SBF2: variants seen among roughly 807,000 people sequenced by gnomAD.
SBF2 encodes SET binding factor 2, also known as myotubularin-related protein 13.
In SBF2, 112 loss-of-function variants were observed where a neutral mutation model predicts 225.2. That is an observed-to-expected ratio of 0.50 (90% CI 0.43 to 0.58). The LOEUF (loss-of-function observed/expected upper bound fraction) is 0.58, where lower values mean the gene tolerates loss of function less well. Ranked by LOEUF, SBF2 falls within the 20% of genes least tolerant of loss-of-function variation. The pLI, the probability that SBF2 is intolerant of heterozygous loss-of-function variation, is 0.00. For synonymous variants in SBF2, 763 were observed against 773.3 expected, an observed-to-expected ratio of 0.99 and a Z score of 0.22; for missense variants, 1,996 against 2,206.2, an observed-to-expected ratio of 0.90 and a Z score of 1.91.
Position 9,961,995 on chromosome 11 carries a change from A to T in SBF2, c.1822T>A (p.Phe608Ile). The T allele has an allele frequency of 6.2e-7, 1 of 1,614,060 alleles. No individual in the cohort carries two copies. The highest frequency in any genetic ancestry group is 8.5e-7 in the Non-Finnish European group (1 of 1,179,914). ...TTCATCATCCTTATTATGTAGTCAA[A>T]CTGTTGATGGTCTAATATTGCCCGG... is the stretch of plus-strand genomic sequence containing the variant. ...QNRAILDHQQ[F>I]DYIIRMMNCT... is the part of the protein sequence containing the mutation. The change falls in exon 16 of 40, where the codon TTT (phenylalanine) becomes ATT (isoleucine). Residue 608 changes from phenylalanine (F) to isoleucine (I), a missense_variant. Phe to Ile is a conservative substitution (Grantham distance 21). Coordinates refer to ENST00000256190, the MANE Select transcript of SBF2 (RefSeq NM_030962.4).
At chr11:9,937,798 G>A (rs971413287) in intron 16 of SBF2, among the ~76,000 whole-genome samples, 1 of 151,970 alleles carries the variant, frequency 6.6e-6, no homozygotes, top group African/African-American at 2.4e-5. Flanking sequence ...AAAAGCAATA[G>A]TTTTGATTTA....
intron 2 of SBF2, among the ~76,000 whole-genome samples, chr11:10,176,899 T>A (rs1233245746): frequency 1.3e-5 from 2 of 152,062 alleles, no homozygotes; most frequent in African/African-American, 4.8e-5. Flanking sequence ...AAAAGAAAAT[T>A]TTAGACCAAT....
chr11:9,889,461 A>G (rs912633235), intron 17 of SBF2, among the ~76,000 whole-genome samples: 2 of 152,220 alleles, frequency 1.3e-5, no homozygotes, highest in Non-Finnish European at 2.9e-5. Context: ...TTCAGCAATA[A>G]AGAAATTAAA....
intron 13 of SBF2, among the ~76,000 whole-genome samples, chr11:9,988,049 T>C (rs995208252): frequency 2.0e-5 from 3 of 152,204 alleles, no homozygotes; most frequent in Non-Finnish European, 2.9e-5. Flanking sequence ...CAAAACAGCA[T>C]GGTACTGGTA....
intron 28 of SBF2, among the ~76,000 whole-genome samples, chr11:9,822,807 T>C (rs1267457347): frequency 6.6e-6 from 1 of 152,322 alleles, no homozygotes; most frequent in East Asian, 1.9e-4. Flanking sequence ...CACTGTGATC[T>C]TATACCTGGC....
chr11:10,012,135 G>A (rs144341298), intron 6 of SBF2, among the ~76,000 whole-genome samples: 19 of 152,198 alleles, frequency 1.2e-4, no homozygotes, highest in African/African-American at 4.6e-4. Flanking sequence ...AGCTCAGCTA[G>A]TGAATTTTTT....
At chr11:10,229,991 G>A (rs1958759916) in intron 1 of SBF2, among the ~76,000 whole-genome samples, 1 of 152,088 alleles carries the variant, frequency 6.6e-6, no homozygotes, top group Admixed American at 6.5e-5. Context: ...ATGAATCTGG[G>A]TGCTCCTGTA....
chr11:9,854,106 C>T (rs993397685), intron 19 of SBF2, among the ~76,000 whole-genome samples: 1 of 152,178 alleles, frequency 6.6e-6, no homozygotes, highest in Non-Finnish European at 1.5e-5. Context: ...ACATAGAGAA[C>T]AAGTAATACA....
At chr11:10,140,231 C>T (rs58054521) in intron 2 of SBF2, among the ~76,000 whole-genome samples, 38,702 of 152,022 alleles carry the variant, frequency 0.25, 5,091 homozygotes, top group Middle Eastern at 0.32. Context: ...TAATGAGATA[C>T]ATGGTGGCTA....
At chr11:10,207,095 C>T (rs1376916660) in intron 1 of SBF2, among the ~76,000 whole-genome samples, 2 of 151,966 alleles carry the variant, frequency 1.3e-5, no homozygotes, top group African/African-American at 4.8e-5. Context: ...TGAAAGAAGC[C>T]AGAGAGAAAC....
intron 1 of SBF2, among the ~76,000 whole-genome samples, chr11:10,231,273 G>A (rs961528263): frequency 4.6e-5 from 7 of 152,010 alleles, no homozygotes; most frequent in Non-Finnish European, 5.9e-5. Flanking sequence ...CCTCTACCTC[G>A]GAGCAGTTTG....
chr11:9,840,243 C>T (rs1255081608), intron 25 of SBF2, among the ~76,000 whole-genome samples: 4 of 145,594 alleles, frequency 2.7e-5, no homozygotes, highest in Non-Finnish European at 4.6e-5. Flanking sequence ...CAAACCCCGC[C>T]CCCAGCCGCA....
At chr11:10,283,443 GTC>G (rs1196027465) in intron 1 of SBF2, among the ~76,000 whole-genome samples, 1 of 151,974 alleles carries the variant, frequency 6.6e-6, no homozygotes, top group Non-Finnish European at 1.5e-5. Flanking sequence ...ATTCTAGCTT[GTC>G]TCTCTCATAG....
At chr11:9,980,172 G>A (rs1281094043) in intron 13 of SBF2, among the ~76,000 whole-genome samples, 1 of 151,276 alleles carries the variant, frequency 6.6e-6, no homozygotes, top group Non-Finnish European at 1.5e-5. Context: ...GTAGAGACGG[G>A]ATTTCACCAT....
intron 23 of SBF2, among the ~76,000 whole-genome samples, chr11:9,846,178 A>T (rs755134730): frequency 3.9e-5 from 6 of 152,240 alleles, no homozygotes; most frequent in Non-Finnish European, 8.8e-5. Context: ...GTTCTTTGGT[A>T]GTCGGGACAG....
intron 2 of SBF2, among the ~76,000 whole-genome samples, chr11:10,099,668 T>C (rs1952192391): frequency 6.6e-6 from 1 of 152,124 alleles, no homozygotes; most frequent in African/African-American, 2.4e-5. Context: ...TATATTAAGA[T>C]AAAAAGTTGT....
Position 9,897,672 on chromosome 11 carries a change from A to G in SBF2, c.1861-1661T>C, listed in dbSNP as rs533609824. Reference sequence around the variant, plus strand: ...AGTGATTAAAGCCCTGACCTTAGACAATGTAGCTATCTCCATCAAAACTCC... The same window carrying G: ...AGTGATTAAAGCCCTGACCTTAGACGATGTAGCTATCTCCATCAAAACTCC... On this transcript the variant is annotated intron_variant, in intron 16 of 39. Transcript: ENST00000256190. Among the ~76,000 whole-genome samples, 8 of 152,328 alleles carry G rather than the reference A, an allele frequency of 5.3e-5. No homozygotes were observed. In the East Asian group the frequency reaches 1.5e-3, roughly 29 times the overall value.
intron 2 of SBF2, among the ~76,000 whole-genome samples, chr11:10,155,877 T>G (rs1218622801): frequency 6.6e-6 from 1 of 152,224 alleles, no homozygotes. Context: ...TACAAATTGA[T>G]GGTGGCAGTG....
chr11:10,109,266 CAT>C (rs1229885988), intron 2 of SBF2, among the ~76,000 whole-genome samples: 1 of 151,884 alleles, frequency 6.6e-6, no homozygotes, highest in Non-Finnish European at 1.5e-5. Flanking sequence ...AAATATATTA[CAT>C]GTTAAAGGAC....
Sources: gnomAD v4.1 joint callset for allele counts (sites outside exome capture counted in the v4.1 genomes callset) on GRCh38, gnomAD v4.1.1 for gene constraint, MANE v1.5 for transcripts, NCBI Gene and HGNC (gene_info 2026-07-23, HGNC 2026-07-21) for gene names.